ODF2L: variants seen among roughly 807,000 people sequenced by gnomAD.
The protein encoded by ODF2L is protein BCAP.
A neutral mutation model predicts 86.3 loss-of-function variants in ODF2L; 76 were observed. The observed-to-expected ratio is 0.88, with a 90% CI of 0.73 to 1.07. The LOEUF is 1.07. Ranked by LOEUF, ODF2L falls within the 50% of genes least tolerant of loss-of-function variation. The pLI, the probability that ODF2L is intolerant of heterozygous loss-of-function variation, is 0.00. For synonymous variants in ODF2L, 241 were observed against 231.3 expected (o/e 1.04, Z -0.38); for missense variants, 748 against 717.4 (o/e 1.04, Z -0.49).
intron 8 of ODF2L, among the ~76,000 whole-genome samples, chr1:86,374,184 C>G (rs1302057181): frequency 6.6e-6 from 1 of 152,020 alleles, no homozygotes; most frequent in Non-Finnish European, 1.5e-5. Context: ...ACGTGCAAGA[C>G]TTTTTTGTTT....
intron 11 of ODF2L, among the ~76,000 whole-genome samples, chr1:86,362,429 G>A (rs1256785853): frequency 1.3e-5 from 2 of 151,892 alleles, no homozygotes; most frequent in Non-Finnish European, 2.9e-5. Context: ...AAGTAGCTGA[G>A]AGGCGCACAC....
chr1:86,386,736 A>C (rs1164592521), intron 2 of ODF2L, 179 bp downstream of exon 2: 2 of 417,852 alleles, frequency 4.8e-6, no homozygotes, highest in Non-Finnish European at 8.3e-6. Flanking sequence ...AAACTAGTTG[A>C]ATTCTGCTAG....
intron 3 of ODF2L, 114 bp from the exon 4 acceptor site, chr1:86,384,915 C>A: frequency 1.4e-6 from 1 of 727,760 alleles, no homozygotes. Context: ...TTCTTTTGTG[C>A]ATAGTAATAA....
At chr1:86,377,448 G>C (rs556390272) in intron 7 of ODF2L, among the ~76,000 whole-genome samples, 3 of 152,160 alleles carry the variant, frequency 2.0e-5, no homozygotes, top group Non-Finnish European at 2.9e-5. Flanking sequence ...AGCTCCACTA[G>C]GCAGTGCTCC....
chr1:86,380,274 T>C (rs1236547526), intron 7 of ODF2L, among the ~76,000 whole-genome samples: 1 of 152,166 alleles, frequency 6.6e-6, no homozygotes, highest in Non-Finnish European at 1.5e-5. Context: ...TATTAAGATT[T>C]AGATTTGATT....
intron 1 of ODF2L, among the ~76,000 whole-genome samples, chr1:86,394,670 AC>A (rs1490167479): frequency 6.6e-6 from 1 of 152,100 alleles, no homozygotes; most frequent in African/African-American, 2.4e-5. Context: ...GTCACAAGGA[AC>A]TTTTGGGATA....
downstream of ODF2L, chr1:86,348,982 T>A (rs1033495991): frequency 2.1e-5 from 26 of 1,217,480 alleles, no homozygotes; most frequent in Non-Finnish European, 2.8e-5. Flanking sequence ...AGATAATTCT[T>A]TTTGATTTTT....
intron 1 of ODF2L, among the ~76,000 whole-genome samples, chr1:86,391,358 CA>C (rs1275531180): frequency 6.6e-6 from 1 of 152,036 alleles, no homozygotes; most frequent in East Asian, 1.9e-4. Context: ...CACTTGGAAC[CA>C]AAAAAGAGCC....
At chr1:86,357,265 A>C (rs1658648212) in intron 13 of ODF2L, among the ~76,000 whole-genome samples, 1 of 152,142 alleles carries the variant, frequency 6.6e-6, no homozygotes, top group Admixed American at 6.5e-5. Flanking sequence ...ATTACAAAAA[A>C]TAGCCAGACT....
chr1:86,390,734 T>C (rs1661266805), intron 1 of ODF2L, among the ~76,000 whole-genome samples: 2 of 152,096 alleles, frequency 1.3e-5, no homozygotes, highest in Non-Finnish European at 2.9e-5. Flanking sequence ...TAATACTGAA[T>C]GGGGAAAAGT....
At chr1:86,354,433 A>T (rs1412583985) in intron 16 of ODF2L, 97 bp downstream of exon 15, 3 of 767,504 alleles carry the variant, frequency 3.9e-6, no homozygotes, top group Non-Finnish European at 6.5e-6. Context: ...TCACCCTGTC[A>T]TCAGGACAAA....
chr1:86,356,450 C>G, exon 14 of ODF2L: 1 of 1,600,452 alleles, frequency 6.2e-7, no homozygotes, highest in Non-Finnish European at 8.5e-7. Context: ...ACACCTGGCC[C>G]TGAAGCTCCC....
chr1:86,376,446 T>C (rs984357771), intron 7 of ODF2L, 28 bp from the exon 8 acceptor site: 3 of 1,422,448 alleles, frequency 2.1e-6, no homozygotes, highest in Non-Finnish European at 2.9e-6. Flanking sequence ...AACAATTAAA[T>C]TATTTCAGAA....
intron 10 of ODF2L, chr1:86,368,747 T>C: frequency 7.4e-7 from 1 of 1,360,340 alleles, no homozygotes; most frequent in Non-Finnish European, 9.6e-7. Flanking sequence ...ACAAAAAGTT[T>C]ATGTATGAAA....
intron 12 of ODF2L, 76 bp from the exon 12 acceptor site, chr1:86,358,967 C>A: frequency 4.3e-6 from 3 of 691,556 alleles, no homozygotes; most frequent in Non-Finnish European, 7.0e-6. Context: ...TTTAAAATTT[C>A]ATTTTAAACA....
intron 14 of ODF2L, chr1:86,355,517 A>C (rs1379899307): frequency 1.6e-6 from 1 of 621,082 alleles, no homozygotes; most frequent in Non-Finnish European, 2.9e-6. Context: ...TTAAACTAAA[A>C]TTTTGTCTGC....
In ODF2L at chr1:86,358,732, T is replaced by C. The variant is rs1658779627; in HGVS notation, c.1359+55A>G. Reference sequence around the variant, plus strand: ...GACCAAAATGAATGAATTTGTGTACTATTCATAAAGTAAAAAATATATAAA... The same window carrying C: ...GACCAAAATGAATGAATTTGTGTACCATTCATAAAGTAAAAAATATATAAA... On this transcript the variant is annotated intron_variant, in intron 13 of 17. Coordinates refer to ENST00000317336, the Ensembl canonical transcript of ODF2L. 7 of 704,178 alleles carry C rather than the reference T, an allele frequency of 9.9e-6. No homozygotes were observed. The South Asian group carries it at 1.4e-4, about 14-fold the overall frequency. The allele number at this position is 704,178 out of a possible 1,614,324, so 43.6% of individuals were successfully genotyped here.
intron 8 of ODF2L, 21 bp from the exon 9 acceptor site, chr1:86,372,561 T>G: frequency 8.1e-7 from 1 of 1,237,024 alleles, no homozygotes; most frequent in Non-Finnish European, 1.1e-6. Flanking sequence ...CATAAAAGTA[T>G]TCATACTATA....
At chr1:86,393,211 G>A (rs556548245) in intron 1 of ODF2L, among the ~76,000 whole-genome samples, 2 of 152,240 alleles carry the variant, frequency 1.3e-5, no homozygotes, top group South Asian at 4.2e-4. Flanking sequence ...ATTTTGTTTT[G>A]CCAAACACAA....
Sources: allele counts gnomAD v4.1 joint callset (sites outside exome capture counted in the v4.1 genomes callset), GRCh38; gene constraint gnomAD v4.1.1; transcripts MANE v1.5; gene names NCBI Gene and HGNC (gene_info 2026-07-23, HGNC 2026-07-21).